ATF1: variants seen among roughly 807,000 people sequenced by gnomAD.
ATF1 encodes the protein activating transcription factor 1.
A neutral mutation model predicts 34.7 loss-of-function variants in ATF1; 16 were observed. The ratio of observed to expected loss-of-function variants is 0.46; its 90% confidence interval spans 0.31 to 0.70. ATF1 has a LOEUF of 0.70. Ranked by LOEUF, ATF1 falls within the 30% of genes least tolerant of loss-of-function variation. The pLI is 0.05. For missense variants in ATF1, 255 were observed against 321.6 expected, an observed-to-expected ratio of 0.79 and a Z score of 1.58; for synonymous variants, 105 against 113.1, an observed-to-expected ratio of 0.93 and a Z score of 0.46.
At chr12:50,780,517 G>A (rs886673604) in intron 2 of ATF1, among the ~76,000 whole-genome samples, 4 of 151,498 alleles carry the variant, frequency 2.6e-5, no homozygotes. Flanking sequence ...GCTATTTTTT[G>A]TATTTTTAGT....
chr12:50,798,454 G>T (rs1026028388), intron 3 of ATF1, among the ~76,000 whole-genome samples: 1 of 151,570 alleles, frequency 6.6e-6, no homozygotes, highest in East Asian at 2.0e-4. Flanking sequence ...GACTACAGGC[G>T]CCCGCCACCA....
intron 4 of ATF1, among the ~76,000 whole-genome samples, chr12:50,813,727 T>C (rs1334403788): frequency 1.3e-5 from 2 of 151,876 alleles, no homozygotes; most frequent in Non-Finnish European, 2.9e-5. Flanking sequence ...GGCACAAGAA[T>C]GGCTTGAACC....
chr12:50,818,201 C>T (rs970225521), intron 6 of ATF1, among the ~76,000 whole-genome samples: 2 of 152,090 alleles, frequency 1.3e-5, no homozygotes, highest in Non-Finnish European at 2.9e-5. Flanking sequence ...AATCCCGACA[C>T]CGTGACCAGG....
intron 2 of ATF1, among the ~76,000 whole-genome samples, chr12:50,782,120 C>T (rs1790015128): frequency 6.6e-6 from 1 of 152,130 alleles, no homozygotes; most frequent in South Asian, 2.1e-4. Context: ...CACATCTTTT[C>T]TAATTGCATA....
intron 3 of ATF1, among the ~76,000 whole-genome samples, chr12:50,805,980 G>A (rs575611681): frequency 3.9e-5 from 6 of 152,074 alleles, no homozygotes; most frequent in South Asian, 2.1e-4. Flanking sequence ...GTGAAACCCC[G>A]TCTCCACTAA....
chr12:50,794,321 CT>C (rs1397850642), intron 2 of ATF1, among the ~76,000 whole-genome samples: 6 of 151,548 alleles, frequency 4.0e-5, no homozygotes, highest in Non-Finnish European at 5.9e-5. Flanking sequence ...AATCCCAGCA[CT>C]TTGGGAGGCT....
chr12:50,814,364 C>T lies in ATF1; in HGVS notation c.596C>T (p.Pro199Leu). 6.2e-7 allele frequency: 1 copy of T among 1,614,166 alleles called. No individual in the cohort carries two copies. Among genetic ancestry groups the T allele is most frequent in the Non-Finnish European group, 8.5e-7 (1 of 1,179,992 alleles). Residue 199 changes from proline to leucine, a missense_variant, in exon 6 of 7, where the codon CCT (proline) becomes CTT (leucine). Pro to Leu is a moderately conservative substitution (Grantham distance 98, BLOSUM62 -3). This residue lies in a region of ATF1 where 221 missense variants were observed against 250.7 expected (regional missense o/e 0.88). Transcript: ENST00000262053. The stretch of plus-strand genomic sequence containing the variant: ...CCACAAACTGTGGTGATGACATCTC[C>T]TGTGACTCTCACCTCTCAGACAACT... ...SLPQTVVMTSPVTLTSQTTKT... is the reference protein window; with the variant it reads ...SLPQTVVMTSLVTLTSQTTKT...
At chr12:50,791,425 G>T (rs781610600) in intron 2 of ATF1, among the ~76,000 whole-genome samples, 3 of 152,096 alleles carry the variant, frequency 2.0e-5, no homozygotes, top group Non-Finnish European at 4.4e-5. Context: ...GCGTGGTCAC[G>T]CATGCCTGTA....
rs759703144 is a variant in ATF1, at chr12:50,796,037, C to T, written c.194+28C>T. Reference sequence around the variant, plus strand: ...GAGTACTCTCTTGTATGAAGCCCTGCATGTTATGATAGTACCAAATGAGTT... The same window carrying T: ...GAGTACTCTCTTGTATGAAGCCCTGTATGTTATGATAGTACCAAATGAGTT... On this transcript the variant is annotated intron_variant, in intron 3 of 6. Coordinates refer to ENST00000262053, the MANE Select transcript of ATF1 (RefSeq NM_005171.5). 8 of 1,538,316 alleles carry T rather than the reference C, an allele frequency of 5.2e-6. No homozygotes were observed. In the South Asian group the frequency reaches 8.2e-5, roughly 16 times the overall value.
intron 1 of ATF1, among the ~76,000 whole-genome samples, chr12:50,766,215 A>C (rs116539811): frequency 6.6e-6 from 1 of 152,288 alleles, no homozygotes; most frequent in Non-Finnish European, 1.5e-5. Context: ...GAAACCCAGT[A>C]TTTATGTTTA....
chr12:50,787,794 C>T (rs1222997847), intron 2 of ATF1, among the ~76,000 whole-genome samples: 1 of 151,932 alleles, frequency 6.6e-6, no homozygotes, highest in Non-Finnish European at 1.5e-5. Flanking sequence ...TATTAGTAGA[C>T]TTGACACAGC....
chr12:50,798,984 T>C (rs778765129), intron 3 of ATF1, among the ~76,000 whole-genome samples: 4 of 152,168 alleles, frequency 2.6e-5, no homozygotes, highest in African/African-American at 2.4e-5. Flanking sequence ...GTAATAGATA[T>C]GAATAGCATT....
intron 1 of ATF1, among the ~76,000 whole-genome samples, chr12:50,768,537 A>G (rs1940694775): frequency 6.6e-6 from 1 of 152,240 alleles, no homozygotes; most frequent in Non-Finnish European, 1.5e-5. Flanking sequence ...CGGTAATCCA[A>G]TTAAGAAACT....
intron 3 of ATF1, among the ~76,000 whole-genome samples, chr12:50,803,316 T>TAAAC (rs919103304): frequency 1.3e-5 from 2 of 151,000 alleles, no homozygotes; most frequent in African/African-American, 4.9e-5. Flanking sequence ...CCAAAGAAGA[T>TAAAC]AAACAAATGA....
chr12:50,766,520 TTTTAA>T (rs764039281), intron 1 of ATF1, among the ~76,000 whole-genome samples: 20 of 152,236 alleles, frequency 1.3e-4, no homozygotes, highest in East Asian at 9.7e-4. Context: ...TCTTTTTTTT[TTTTAA>T]TTTAAGTTTT....
chr12:50,795,137 C>T (rs899556362), intron 2 of ATF1, among the ~76,000 whole-genome samples: 10 of 152,156 alleles, frequency 6.6e-5, no homozygotes, highest in African/African-American at 2.4e-4. Context: ...TTGCCAGTGA[C>T]CTCCACCTTG....
chr12:50,766,092 C>A (rs1451611892), intron 1 of ATF1, among the ~76,000 whole-genome samples: 2 of 152,196 alleles, frequency 1.3e-5, no homozygotes, highest in African/African-American at 4.8e-5. Flanking sequence ...TAACATATTT[C>A]TGGCGACCAC....
At chr12:50,766,869 A>G (rs1007386346) in intron 1 of ATF1, among the ~76,000 whole-genome samples, 4 of 152,148 alleles carry the variant, frequency 2.6e-5, no homozygotes, top group East Asian at 1.9e-4. Context: ...ACTCAGGGCA[A>G]CCATCTTACC....
chr12:50,797,350 G>T (rs1355036172), intron 3 of ATF1, among the ~76,000 whole-genome samples: 1 of 152,204 alleles, frequency 6.6e-6, no homozygotes, highest in African/African-American at 2.4e-5. Context: ...ATAAACCTGA[G>T]ATCTTAAAAG....
Sources: allele counts gnomAD v4.1 joint callset (sites outside exome capture counted in the v4.1 genomes callset), GRCh38; gene constraint gnomAD v4.1.1; regional missense constraint gnomAD v4.1.1; transcripts MANE v1.5; gene names NCBI Gene and HGNC (gene_info 2026-07-23, HGNC 2026-07-21).